The following CTNND2 variants were observed in gnomAD, a reference collection of about 807,000 sequenced individuals.
CTNND2 encodes catenin delta-2.
In CTNND2, 22 loss-of-function variants were observed where a neutral mutation model predicts 144.4. That is an observed-to-expected ratio of 0.15 (90% CI 0.11 to 0.22). The LOEUF is 0.22. Among genes scored for constraint, CTNND2 ranks in the 10% least tolerant of loss-of-function variants. The pLI is 1.00. For missense variants in CTNND2, 1,353 were observed against 1,618.8 expected, an observed-to-expected ratio of 0.84 and a Z score of 2.82; for synonymous variants, 751 against 695.6, an observed-to-expected ratio of 1.08 and a Z score of -1.25.
Position 10,988,308 on chromosome 5 carries a change from A to C in CTNND2, c.3212-66T>G. On this transcript the variant is annotated intron_variant, in intron 19 of 21. Transcript: ENST00000304623. This position sits in a 1 kb window ranked among gnomAD's most constrained non-coding sequence, Gnocchi z 5.9. ...CCCACAGCGTGTGTGCCTTCCACACAGTCAGGGTCCTCACTATGCATGGTC... is the reference window on the plus strand; with the variant it reads ...CCCACAGCGTGTGTGCCTTCCACACCGTCAGGGTCCTCACTATGCATGGTC... The C allele has an allele frequency of 6.3e-7, 1 of 1,595,648 alleles. No individual in the cohort carries two copies. Among genetic ancestry groups the C allele is most frequent in the Non-Finnish European group, 8.6e-7 (1 of 1,166,494 alleles).
intron 10 of CTNND2, among the ~76,000 whole-genome samples, chr5:11,211,170 C>T (rs564363809): frequency 3.0e-4 from 45 of 152,072 alleles, no homozygotes; most frequent in African/African-American, 1.0e-3. Context: ...AGTGGGTCAG[C>T]GCACACTAGA....
chr5:11,725,761 C>CA (rs147239691), intron 2 of CTNND2, among the ~76,000 whole-genome samples: 1,822 of 152,176 alleles, frequency 0.012, 34 homozygotes, highest in African/African-American at 0.042. Context: ...ACATGTTTTA[C>CA]AAAAATATGT....
intron 9 of CTNND2, among the ~76,000 whole-genome samples, chr5:11,281,002 G>GA (rs1747056558): frequency 6.6e-6 from 1 of 151,762 alleles, no homozygotes; most frequent in Non-Finnish European, 1.5e-5. Flanking sequence ...AAAAGCGAAA[G>GA]AAAAAAAGAT....
At chr5:11,116,833 G>A (rs1302587250) in intron 13 of CTNND2, among the ~76,000 whole-genome samples, 3 of 152,054 alleles carry the variant, frequency 2.0e-5, no homozygotes, top group East Asian at 1.9e-4. Context: ...TGAGGTGGGC[G>A]GATCACTTGA....
chr5:11,874,947 C>G (rs1735447033), intron 1 of CTNND2, among the ~76,000 whole-genome samples: 1 of 150,646 alleles, frequency 6.6e-6, no homozygotes, highest in African/African-American at 2.5e-5. Context: ...TGGAAATGTA[C>G]CAGTGATGAG....
intron 1 of CTNND2, among the ~76,000 whole-genome samples, chr5:11,758,276 T>C (rs1162846437): frequency 6.6e-6 from 1 of 151,990 alleles, no homozygotes; most frequent in Non-Finnish European, 1.5e-5. Context: ...ATATGATGTT[T>C]TGATATATAT....
intron 1 of CTNND2, among the ~76,000 whole-genome samples, chr5:11,846,078 G>C (rs1002561133): frequency 2.0e-5 from 3 of 152,054 alleles, no homozygotes; most frequent in African/African-American, 7.2e-5. Context: ...ATATAGGAGC[G>C]AATTGGTGAA....
chr5:11,706,339 G>T (rs932116000), intron 2 of CTNND2, among the ~76,000 whole-genome samples: 1 of 152,170 alleles, frequency 6.6e-6, no homozygotes, highest in Non-Finnish European at 1.5e-5. Context: ...TGTGATCACT[G>T]AATCAAGGTG....
intron 3 of CTNND2, among the ~76,000 whole-genome samples, chr5:11,491,301 G>A (rs761139683): frequency 2.0e-5 from 3 of 152,170 alleles, no homozygotes; most frequent in Non-Finnish European, 4.4e-5. Context: ...TTACTGGGAT[G>A]GCCCATTTAT....
At chr5:11,728,714 C>T (rs897982238) in intron 2 of CTNND2, among the ~76,000 whole-genome samples, 11 of 152,082 alleles carry the variant, frequency 7.2e-5, no homozygotes, top group Non-Finnish European at 1.2e-4. Context: ...TACAAATGCT[C>T]TCAATTTCAA....
At chr5:11,383,121 C>G (rs1229557411) in intron 7 of CTNND2, among the ~76,000 whole-genome samples, 1 of 152,056 alleles carries the variant, frequency 6.6e-6, no homozygotes, top group Non-Finnish European at 1.5e-5. Context: ...AAAGTCTACA[C>G]AAATCACCCA....
At chr5:11,863,921 G>C (rs182032211) in intron 1 of CTNND2, among the ~76,000 whole-genome samples, 2 of 152,112 alleles carry the variant, frequency 1.3e-5, no homozygotes, top group Non-Finnish European at 2.9e-5. Context: ...AGTACACCTA[G>C]GACTAAGAGC....
intron 3 of CTNND2, among the ~76,000 whole-genome samples, chr5:11,441,820 G>C (rs530449629): frequency 3.7e-4 from 56 of 152,138 alleles, no homozygotes; most frequent in African/African-American, 1.3e-3. Context: ...TTAATCATCA[G>C]TTATGTGACT....
chr5:11,767,780 T>G (rs1158474825), intron 1 of CTNND2, among the ~76,000 whole-genome samples: 1 of 152,120 alleles, frequency 6.6e-6, no homozygotes, highest in Non-Finnish European at 1.5e-5. Flanking sequence ...TTGGCAAATA[T>G]CAAATGAGGA....
intron 9 of CTNND2, among the ~76,000 whole-genome samples, chr5:11,316,577 G>T (rs997681168): frequency 6.6e-6 from 1 of 150,838 alleles, no homozygotes; most frequent in Non-Finnish European, 1.5e-5. Context: ...TGCCATGTTG[G>T]TGTGCTGCAC....
At chr5:11,576,303 G>A (rs16901758) in intron 2 of CTNND2, among the ~76,000 whole-genome samples, 24 of 151,450 alleles carry the variant, frequency 1.6e-4, no homozygotes, top group South Asian at 4.2e-4. Context: ...CATTTATTTA[G>A]AATATTTTAG....
intron 3 of CTNND2, among the ~76,000 whole-genome samples, chr5:11,551,932 G>C (rs1024142532): frequency 6.6e-6 from 1 of 151,908 alleles, no homozygotes; most frequent in African/African-American, 2.4e-5. Context: ...ATGAGGTTTT[G>C]CCGTGTTGCC....
At chr5:11,260,440 A>C (rs943851052) in intron 9 of CTNND2, among the ~76,000 whole-genome samples, 3 of 152,238 alleles carry the variant, frequency 2.0e-5, no homozygotes, top group Non-Finnish European at 4.4e-5. Flanking sequence ...ATGAAAAAAA[A>C]CCAGTAAAAT....
At chr5:11,350,364 A>AAT (rs889295204) in intron 8 of CTNND2, among the ~76,000 whole-genome samples, 9 of 151,910 alleles carry the variant, frequency 5.9e-5, no homozygotes, top group African/African-American at 1.4e-4. Flanking sequence ...GAAAATAAAA[A>AAT]ATATATATAT....
Sources: gnomAD v4.1 joint callset for allele counts (sites outside exome capture counted in the v4.1 genomes callset) on GRCh38, gnomAD v4.1.1 for gene constraint, Gnocchi (gnomAD v3.1) non-coding constraint, MANE v1.5 for transcripts, NCBI Gene and HGNC (gene_info 2026-07-23, HGNC 2026-07-21) for gene names.